Variants in PLA2G10 observed in about 807,000 individuals in gnomAD.
The protein encoded by PLA2G10 is phospholipase A2 group X, also known as group 10 secretory phospholipase A2.
PLA2G10 carries 9 observed loss-of-function variants against 7.9 expected under a neutral mutation model. The observed-to-expected ratio is 1.14, with a 90% CI of 0.68 to 1.98. The LOEUF is 1.98. PLA2G10 is among the 30% of genes most tolerant of loss of function. The pLI is 0.00. For synonymous variants in PLA2G10, 19 were observed against 27.5 expected, an observed-to-expected ratio of 0.69 and a Z score of 0.97; for missense variants, 53 against 65.4, an observed-to-expected ratio of 0.81 and a Z score of 0.66.
At chr16:14,680,860 C>T (rs1201678911) in intron 3 of PLA2G10, among the ~76,000 whole-genome samples, 1 of 152,026 alleles carries the variant, frequency 6.6e-6, no homozygotes, top group Non-Finnish European at 1.5e-5. Context: ...TATTTGTTGA[C>T]AGACCAGAGA....
At chr16:14,673,971 T>C (rs570914155) in intron 3 of PLA2G10, among the ~76,000 whole-genome samples, 99 of 152,250 alleles carry the variant, frequency 6.5e-4, no homozygotes, top group Non-Finnish European at 1.2e-3. Flanking sequence ...GATACAATCA[T>C]ATACCTAGAA....
At chr16:14,678,941 T>G (rs1960803465) in intron 3 of PLA2G10, among the ~76,000 whole-genome samples, 1 of 151,940 alleles carries the variant, frequency 6.6e-6, no homozygotes, top group Non-Finnish European at 1.5e-5. Flanking sequence ...CTCACCGAAC[T>G]CCTTGTGATC....
At chr16:14,683,373 C>T (rs1057324016) in intron 3 of PLA2G10, among the ~76,000 whole-genome samples, 20 of 151,840 alleles carry the variant, frequency 1.3e-4, no homozygotes, top group African/African-American at 3.4e-4. Flanking sequence ...GCTGGGACTA[C>T]AGGAGCATGC....
chr16:14,675,523 G>A (rs1960702511), intron 3 of PLA2G10, among the ~76,000 whole-genome samples: 1 of 152,144 alleles, frequency 6.6e-6, no homozygotes, highest in African/African-American at 2.4e-5. Context: ...GTAATCATCA[G>A]AGTAAACAGA....
chr16:14,677,733 G>A (rs1349693977), intron 3 of PLA2G10, among the ~76,000 whole-genome samples: 1 of 152,036 alleles, frequency 6.6e-6, no homozygotes, highest in African/African-American at 2.4e-5. Context: ...ATGGATGGAT[G>A]GATGGATGAT....
intron 3 of PLA2G10, among the ~76,000 whole-genome samples, chr16:14,674,948 G>T (rs1210876963): frequency 1.3e-5 from 2 of 152,168 alleles, no homozygotes; most frequent in African/African-American, 4.8e-5. Context: ...AAGGCAAGCG[G>T]ATCACCTGAG....
At chr16:14,676,410 G>A (rs1218130767) in intron 3 of PLA2G10, among the ~76,000 whole-genome samples, 2 of 152,208 alleles carry the variant, frequency 1.3e-5, no homozygotes, top group African/African-American at 4.8e-5. Context: ...GCTGGGTGCA[G>A]TGGCTCACGC....
chr16:14,684,643 G>T (rs930961546), intron 3 of PLA2G10, among the ~76,000 whole-genome samples: 1 of 152,098 alleles, frequency 6.6e-6, no homozygotes, highest in Non-Finnish European at 1.5e-5. Context: ...TCCAGCCTGG[G>T]CGACAAAGTG....
intron 3 of PLA2G10, among the ~76,000 whole-genome samples, chr16:14,684,556 C>T (rs1250138705): frequency 6.6e-6 from 1 of 151,900 alleles, no homozygotes. Context: ...ATCCCAGCTA[C>T]TCAGGAGGCT....
intron 3 of PLA2G10, among the ~76,000 whole-genome samples, chr16:14,683,435 C>T (rs1037002100): frequency 3.3e-5 from 5 of 151,702 alleles, no homozygotes; most frequent in South Asian, 4.2e-4. Context: ...GGGGTTTCAC[C>T]GTGCTGCCCT....
chr16:14,684,536 G>C (rs1960995920), intron 3 of PLA2G10, among the ~76,000 whole-genome samples: 1 of 151,682 alleles, frequency 6.6e-6, no homozygotes, highest in Non-Finnish European at 1.5e-5. Context: ...CGTGGTGGCG[G>C]GCACCTGAAA....
chr16:14,675,932 C>CA (rs59516741), intron 3 of PLA2G10, among the ~76,000 whole-genome samples: 1,979 of 46,284 alleles, frequency 0.043, 63 homozygotes, highest in African/African-American at 0.12. Flanking sequence ...GAGCAAGACT[C>CA]AAAAAAAAAA....
intron 3 of PLA2G10, among the ~76,000 whole-genome samples, chr16:14,680,225 C>G (rs564302562): frequency 1.3e-5 from 2 of 151,608 alleles, no homozygotes; most frequent in Admixed American, 6.6e-5. Flanking sequence ...CTCAACCTCC[C>G]GAATAGCTGG....
intron 3 of PLA2G10, among the ~76,000 whole-genome samples, chr16:14,675,458 A>G (rs1289847513): frequency 6.6e-6 from 1 of 152,136 alleles, no homozygotes; most frequent in Non-Finnish European, 1.5e-5. Context: ...GCAACAAAAC[A>G]AAAATAAATA....
At chr16:14,686,416 C>T (rs1961065881) in intron 3 of PLA2G10, among the ~76,000 whole-genome samples, 1 of 152,196 alleles carries the variant, frequency 6.6e-6, no homozygotes, top group South Asian at 2.1e-4. Flanking sequence ...TGTACCATTA[C>T]TCACTTCCTA....
Position 14,672,636 on chromosome 16 carries a change from A to G in PLA2G10, c.469T>C (p.Cys157Arg), listed in dbSNP as rs753468912. Residue 157 changes from cysteine (C) to arginine (R), a missense_variant, in exon 4 of 4, where the codon TGT becomes CGT. Transcript: ENST00000438167. ...LKYLFYPQFL[C>R]EPDSPKCD ...TCACACTTGGGCGAGTCCGGCTCAC[A>G]TAGGAACTGGGGGTAGAAGAGGTAC... is the stretch of plus-strand genomic sequence containing the variant. 17 of 1,614,134 alleles carry G rather than the reference A, an allele frequency of 1.1e-5. No individual in the cohort carries two copies. The highest frequency in any genetic ancestry group is 1.4e-5 in the Non-Finnish European group (16 of 1,180,000).
rs952710578 is a variant in PLA2G10 at position 14,684,099 on chromosome 16, G to A, written c.355+4066C>T. On this transcript the variant is annotated intron_variant, in intron 3 of 3. Coordinates refer to ENST00000438167, the MANE Select transcript of PLA2G10 (RefSeq NM_003561.3). ...AAAATGGCGGGGCGTGGTGGCTCGC[G>A]CCTGTAATCCCAGCACTTTGGGAGG... Among the ~76,000 whole-genome samples the A allele has an allele frequency of 4.0e-5, 6 of 151,554 alleles. No homozygotes were observed. In the East Asian group the frequency reaches 5.9e-4, roughly 15 times the overall value.
chr16:14,678,854 A>G (rs1355856885), intron 3 of PLA2G10: 3 of 304,686 alleles, frequency 9.8e-6, no homozygotes, highest in Non-Finnish European at 2.0e-5. Flanking sequence ...AGAGCCTCCA[A>G]TGCCCTAGGA....
At chr16:14,686,605 A>G (rs2151855162) in intron 3 of PLA2G10, among the ~76,000 whole-genome samples, 1 of 152,240 alleles carries the variant, frequency 6.6e-6, no homozygotes, top group Non-Finnish European at 1.5e-5. Context: ...GATTCAAGTG[A>G]TTCTCCTGCG....
Sources: allele counts gnomAD v4.1 joint callset (sites outside exome capture counted in the v4.1 genomes callset), GRCh38; gene constraint gnomAD v4.1.1; transcripts MANE v1.5; gene names NCBI Gene and HGNC (gene_info 2026-07-23, HGNC 2026-07-21).